ITGB3BP: variants seen among roughly 807,000 people sequenced by gnomAD.
The protein encoded by ITGB3BP is centromere protein R.
ITGB3BP carries 27 observed loss-of-function variants against 29.1 expected under a neutral mutation model. The ratio of observed to expected loss-of-function variants is 0.93; its 90% CI spans 0.68 to 1.28. The LOEUF (loss-of-function observed/expected upper bound fraction) is 1.28. Among genes scored for constraint, ITGB3BP ranks in the 50% most tolerant of loss-of-function variants. The probability of loss-of-function intolerance (pLI) is 0.00; values close to 1 mark genes in which losing one functional copy is unlikely to be tolerated. For missense variants in ITGB3BP, 192 were observed against 200.2 expected, an observed-to-expected ratio of 0.96 and a Z score of 0.25; for synonymous variants, 61 against 61.4, an observed-to-expected ratio of 0.99 and a Z score of 0.03.
At chr1:63,523,007 CAG>C (rs767153772) in intron 1 of ITGB3BP, 120 bp downstream of exon 1, 5 of 1,135,174 alleles carry the variant, frequency 4.4e-6, no homozygotes, top group South Asian at 1.2e-5. Flanking sequence ...TGCCTGTGGA[CAG>C]AGGAGACAAG....
At chr1:63,526,852 C>T (rs1409915967), upstream of ITGB3BP, among the ~76,000 whole-genome samples, 1 of 152,116 alleles carries the variant, frequency 6.6e-6, no homozygotes, top group East Asian at 1.9e-4. Flanking sequence ...GCAGCCTCTG[C>T]CTCCTGGGTT....
At chr1:63,512,900 T>A (rs1393727315) in intron 1 of ITGB3BP, among the ~76,000 whole-genome samples, 3 of 152,226 alleles carry the variant, frequency 2.0e-5, no homozygotes, top group Non-Finnish European at 4.4e-5. Context: ...TCCTTAAATG[T>A]AAACCTTTTG....
chr1:63,450,585 T>C (rs1644848295), intron 7 of ITGB3BP, among the ~76,000 whole-genome samples: 1 of 152,012 alleles, frequency 6.6e-6, no homozygotes, highest in Non-Finnish European at 1.5e-5. Flanking sequence ...ATTTCATCTG[T>C]ATCAGCCCAC....
At chr1:63,478,734 CA>C (rs754458991) in intron 4 of ITGB3BP, 29 bp downstream of exon 4, 87 of 1,020,108 alleles carry the variant, frequency 8.5e-5, no homozygotes, top group Non-Finnish European at 1.2e-4. Flanking sequence ...GCAAGATACA[CA>C]TATATAATTT....
At chr1:63,478,569 G>T (rs576272101) in intron 4 of ITGB3BP, among the ~76,000 whole-genome samples, 195 bp downstream of exon 4, 2 of 152,216 alleles carry the variant, frequency 1.3e-5, no homozygotes, top group East Asian at 1.9e-4. Context: ...TAAAATTAAG[G>T]CATCATATAT....
At chr1:63,455,005 A>C (rs374052643) in intron 4 of ITGB3BP, 37 bp from the exon 5 acceptor site, 2 of 1,030,240 alleles carry the variant, frequency 1.9e-6, no homozygotes, top group African/African-American at 3.2e-5. Flanking sequence ...TAGCAAGGGG[A>C]AGCATTTAAA....
chr1:63,481,467 G>A (rs1477032130), intron 3 of ITGB3BP, among the ~76,000 whole-genome samples: 1 of 152,038 alleles, frequency 6.6e-6, no homozygotes, highest in Non-Finnish European at 1.5e-5. Context: ...ATTAAAAAAA[G>A]TAAGCACAAT....
At chr1:63,521,483 T>G (rs1021449572) in intron 1 of ITGB3BP, among the ~76,000 whole-genome samples, 2 of 152,162 alleles carry the variant, frequency 1.3e-5, no homozygotes, top group Non-Finnish European at 2.9e-5. Flanking sequence ...TATACTTATC[T>G]AAAAGCCTAA....
At chr1:63,493,038 G>A (rs1023511132) in intron 2 of ITGB3BP, among the ~76,000 whole-genome samples, 1 of 151,468 alleles carries the variant, frequency 6.6e-6, no homozygotes, top group Non-Finnish European at 1.5e-5. Context: ...TTAAACCCAG[G>A]AAGTTGAGGC....
At chr1:63,481,788 A>G (rs1487548935) in intron 3 of ITGB3BP, among the ~76,000 whole-genome samples, 1 of 152,240 alleles carries the variant, frequency 6.6e-6, no homozygotes, top group Non-Finnish European at 1.5e-5. Flanking sequence ...TGCTTTAAAT[A>G]TGTTACATAT....
intron 4 of ITGB3BP, among the ~76,000 whole-genome samples, chr1:63,466,015 A>G (rs1252302485): frequency 2.0e-5 from 3 of 152,202 alleles, no homozygotes; most frequent in African/African-American, 7.2e-5. Context: ...ATGACTAACA[A>G]TGATGTACAC....
At chr1:63,482,649 ATTTTTTT>A (rs34619742) in intron 3 of ITGB3BP, among the ~76,000 whole-genome samples, 7 of 129,854 alleles carry the variant, frequency 5.4e-5, no homozygotes, top group African/African-American at 2.1e-4. Flanking sequence ...AACAATGTTA[ATTTTTTT>A]TTTTTTTTTT....
intron 2 of ITGB3BP, among the ~76,000 whole-genome samples, chr1:63,492,740 A>AC (rs1645679430): frequency 8.7e-6 from 1 of 114,394 alleles, no homozygotes; most frequent in African/African-American, 2.8e-5. Context: ...ATTTGGCTAG[A>AC]AAAAAGCAAG....
intron 4 of ITGB3BP, among the ~76,000 whole-genome samples, chr1:63,461,602 C>T (rs1447904856): frequency 6.6e-6 from 1 of 151,938 alleles, no homozygotes; most frequent in East Asian, 1.9e-4. Context: ...TGGTTTTAGC[C>T]CTTATATTTA....
chr1:63,498,673 C>T (rs947015588), intron 2 of ITGB3BP, among the ~76,000 whole-genome samples: 1 of 149,566 alleles, frequency 6.7e-6, no homozygotes, highest in African/African-American at 2.5e-5. Context: ...AAACTAAACC[C>T]AAGGCAAGCA....
chr1:63,457,586 G>A (rs187161741), intron 4 of ITGB3BP: 1 of 152,188 alleles, frequency 6.6e-6, no homozygotes, highest in East Asian at 1.9e-4. Context: ...TATTTCTCAA[G>A]TTCATTATGG....
intron 2 of ITGB3BP, among the ~76,000 whole-genome samples, chr1:63,497,922 T>C (rs1645830143): frequency 6.4e-5 from 1 of 15,644 alleles, no homozygotes. Flanking sequence ...GCTTTTCCTT[T>C]CCCCCTTTTT....
chr1:63,522,371 G>A (rs2100842270), intron 1 of ITGB3BP, among the ~76,000 whole-genome samples: 1 of 152,176 alleles, frequency 6.6e-6, no homozygotes, highest in East Asian at 1.9e-4. Flanking sequence ...CACTAGAGGG[G>A]GTACCTAAAT....
At chr1:63,502,513 C>CT (rs66468422) in intron 2 of ITGB3BP, among the ~76,000 whole-genome samples, 129,489 of 142,022 alleles carry the variant, frequency 0.91, 59,779 homozygotes, top group Non-Finnish European at 0.99. Flanking sequence ...AAAGGCACTT[C>CT]TTTTTTTTTT....
Sources: allele counts gnomAD v4.1 joint callset (sites outside exome capture counted in the v4.1 genomes callset), GRCh38; gene constraint gnomAD v4.1.1; transcripts MANE v1.5; gene names NCBI Gene and HGNC (gene_info 2026-07-23, HGNC 2026-07-21).